The following SEM1 variants were observed in gnomAD, a reference collection of about 807,000 sequenced individuals.
SEM1 encodes the protein SEM1 26S proteasome subunit, also known as 26S proteasome complex subunit SEM1.
SEM1 carries 3 observed loss-of-function variants against 12.7 expected under a neutral mutation model. The ratio of observed to expected loss-of-function variants is 0.24; its 90% confidence interval spans 0.11 to 0.61. SEM1 has a LOEUF of 0.61. Ranked by LOEUF, SEM1 falls within the 20% of genes least tolerant of loss-of-function variation. The pLI is 0.88. For missense variants in SEM1, 59 were observed against 81.3 expected, an observed-to-expected ratio of 0.73 and a Z score of 1.06; for synonymous variants, 30 against 27.8, an observed-to-expected ratio of 1.08 and a Z score of -0.25.
chr7:96,512,746 A>G (rs1231572048), intron 2 of SEM1, among the ~76,000 whole-genome samples: 1 of 152,118 alleles, frequency 6.6e-6, no homozygotes, highest in African/African-American at 2.4e-5. Flanking sequence ...ATCAAGTGTC[A>G]CTAGTGTAAA....
Position 96,688,859 on chromosome 7 carries a change from G to T in SEM1, c.*65C>A. ...CACATTTTTTTAGTGTCCCATCCTG[G>T]GTTCTCTGCCCTAGAATGTATTAAG... On this transcript the variant is annotated 3_prime_UTR_variant, in exon 3 of 3. Transcript: ENST00000248566. 2.1e-6 allele frequency: 2 copies of T among 935,562 alleles called. No homozygotes were observed. The highest frequency in any genetic ancestry group is 1.4e-5 in the South Asian group (1 of 69,198). The allele number at this position is 935,562 out of a possible 1,614,324, so 58.0% of individuals were successfully genotyped here.
chr7:96,706,718 C>CAA (rs1383577885), intron 1 of SEM1, among the ~76,000 whole-genome samples: 1 of 151,958 alleles, frequency 6.6e-6, no homozygotes. Flanking sequence ...GACCCACTCC[C>CAA]AAAAGAAAAT....
At chr7:96,666,806 C>G (rs1789184375) in intron 2 of SEM1, among the ~76,000 whole-genome samples, 1 of 151,988 alleles carries the variant, frequency 6.6e-6, no homozygotes, top group Non-Finnish European at 1.5e-5. Flanking sequence ...TGTAGATGTT[C>G]TTGATGCAAG....
At chr7:96,612,425 T>C (rs917325202) in intron 2 of SEM1, among the ~76,000 whole-genome samples, 1 of 152,026 alleles carries the variant, frequency 6.6e-6, no homozygotes, top group Non-Finnish European at 1.5e-5. Context: ...GCCACCAAAC[T>C]GGGAAACAAG....
chr7:96,527,179 T>C (rs1392320505), intron 2 of SEM1, among the ~76,000 whole-genome samples: 1 of 151,744 alleles, frequency 6.6e-6, no homozygotes, highest in Non-Finnish European at 1.5e-5. Context: ...TGAAGTGAAA[T>C]GAGAAAGGAG....
intron 2 of SEM1, among the ~76,000 whole-genome samples, chr7:96,560,195 G>A (rs11765423): frequency 0.18 from 27,716 of 151,952 alleles, 2,683 homozygotes; most frequent in Middle Eastern, 0.24. Flanking sequence ...ATAAGTTCCT[G>A]GAAATAGAAT....
chr7:96,683,662 A>C (rs1353405158), intron 2 of SEM1, among the ~76,000 whole-genome samples: 1 of 152,244 alleles, frequency 6.6e-6, no homozygotes, highest in African/African-American at 2.4e-5. Flanking sequence ...CTGGATAAAG[A>C]AAATGTGGCA....
Position 96,487,851 on chromosome 7 carries a change from A to G in SEM1, c.13-1434T>C, listed in dbSNP as rs1802836155. Among the ~76,000 whole-genome samples, 3 of 150,064 alleles carry G rather than the reference A, an allele frequency of 2.0e-5. No individual in the cohort carries two copies. The East Asian group carries it at 5.8e-4, about 29-fold the overall frequency. On this transcript the variant is annotated intron_variant, in intron 1 of 3. Coordinates refer to the SEM1 transcript ENST00000356686. ...CTCTGATTCAGAAGATCTAGGGTGG[A>G]ATGCAATAGTCTACATTTCATTTAA...
intron 2 of SEM1, among the ~76,000 whole-genome samples, chr7:96,522,177 C>T (rs1804296781): frequency 6.6e-6 from 1 of 152,046 alleles, no homozygotes; most frequent in Admixed American, 6.6e-5. Context: ...CGTGTAGTTC[C>T]TGGGACATCC....
At chr7:96,665,552 G>A (rs773290183) in intron 2 of SEM1, among the ~76,000 whole-genome samples, 2 of 152,170 alleles carry the variant, frequency 1.3e-5, no homozygotes, top group Non-Finnish European at 2.9e-5. Flanking sequence ...AAGGCTTGGC[G>A]ATAGTTATTT....
At chr7:96,594,731 G>A (rs1193583330) in intron 2 of SEM1, among the ~76,000 whole-genome samples, 2 of 152,096 alleles carry the variant, frequency 1.3e-5, no homozygotes, top group African/African-American at 4.8e-5. Flanking sequence ...GTATTCTCCT[G>A]ATTTGAATGT....
intron 2 of SEM1, among the ~76,000 whole-genome samples, chr7:96,556,423 A>C (rs1176812324): frequency 1.3e-5 from 2 of 152,012 alleles, no homozygotes; most frequent in Admixed American, 6.6e-5. Context: ...TTGTCTATAA[A>C]GTATTTTATT....
chr7:96,582,809 G>A (rs574412168), intron 2 of SEM1, among the ~76,000 whole-genome samples: 5 of 152,200 alleles, frequency 3.3e-5, no homozygotes, highest in South Asian at 2.1e-4. Context: ...CTGTGGGATC[G>A]GTGGTGATAT....
intron 2 of SEM1, among the ~76,000 whole-genome samples, chr7:96,604,122 A>C (rs79326358): frequency 0.043 from 6,623 of 152,312 alleles, 187 homozygotes; most frequent in Admixed American, 0.086. Context: ...ACAGCCCAGC[A>C]TGAATACATG....
chr7:96,616,079 G>A (rs1292195968), intron 2 of SEM1, among the ~76,000 whole-genome samples: 8 of 151,912 alleles, frequency 5.3e-5, no homozygotes, highest in Non-Finnish European at 8.8e-5. Flanking sequence ...CTGTTGGATC[G>A]AATGGTACTT....
chr7:96,554,718 G>A (rs1805421728), intron 2 of SEM1, among the ~76,000 whole-genome samples: 1 of 150,816 alleles, frequency 6.6e-6, no homozygotes, highest in Non-Finnish European at 1.5e-5. Flanking sequence ...CATAAAATGA[G>A]TTAGGGAGGA....
intron 2 of SEM1, among the ~76,000 whole-genome samples, chr7:96,521,014 A>ACTCT (rs1804250089): frequency 1.3e-5 from 2 of 152,082 alleles, no homozygotes; most frequent in Non-Finnish European, 2.9e-5. Flanking sequence ...GGCAAACAAA[A>ACTCT]CAGGTTATTT....
downstream of SEM1, among the ~76,000 whole-genome samples, chr7:96,685,799 A>T (rs1719750030): frequency 6.6e-6 from 1 of 151,924 alleles, no homozygotes; most frequent in African/African-American, 2.4e-5. Context: ...AAAAAAAAAA[A>T]AAATTGATTG....
intron 2 of SEM1, among the ~76,000 whole-genome samples, chr7:96,662,351 G>A (rs1789031224): frequency 6.6e-6 from 1 of 152,132 alleles, no homozygotes; most frequent in African/African-American, 2.4e-5. Flanking sequence ...CAGAAAAAAT[G>A]AGTTCATGTC....
Sources: gnomAD v4.1 joint callset for allele counts (sites outside exome capture counted in the v4.1 genomes callset) on GRCh38, gnomAD v4.1.1 for gene constraint, MANE v1.5 for transcripts, NCBI Gene and HGNC (gene_info 2026-07-23, HGNC 2026-07-21) for gene names.